XPC: variants seen among roughly 807,000 people sequenced by gnomAD.
XPC encodes XPC complex subunit, DNA damage recognition and repair factor, also known as DNA repair protein complementing XP-C cells.
Under a neutral mutation model 95.8 loss-of-function variants are expected in XPC, and 76 were observed. The observed-to-expected ratio is 0.79, with a 90% CI of 0.66 to 0.96. The LOEUF (loss-of-function observed/expected upper bound fraction) is 0.96. Ranked by LOEUF, XPC falls within the 40% of genes least tolerant of loss-of-function variation. XPC has a pLI of 0.00. For synonymous variants in XPC, 442 were observed against 442.1 expected, an observed-to-expected ratio of 1.00 and a Z score of 0.00; for missense variants, 1,146 against 1,179.8, an observed-to-expected ratio of 0.97 and a Z score of 0.42.
intron 11 of XPC, 99 bp downstream of exon 11, chr3:14,152,236 G>A (rs969647228): frequency 1.5e-5 from 15 of 1,000,192 alleles, no homozygotes; most frequent in Non-Finnish European, 2.1e-5. Flanking sequence ...ATCCTGGGCA[G>A]GACTGGGAGG....
chr3:14,156,308 T>C (rs1695901636), intron 10 of XPC, 27 bp downstream of exon 10: 5 of 1,601,776 alleles, frequency 3.1e-6, no homozygotes, highest in South Asian at 2.2e-5. Flanking sequence ...AGGAAGCCCC[T>C]GAGGCCAACC....
At chr3:14,149,098 T>C in intron 11 of XPC, 150 bp from the exon 12 acceptor site, 1 of 1,180,188 alleles carries the variant, frequency 8.5e-7, no homozygotes, top group South Asian at 1.5e-5. Context: ...CCTTTTTTTT[T>C]TTTGAGACAG....
chr3:14,175,027 G>A lies in XPC; in HGVS notation c.104-1965C>T, dbSNP rs370867572. ...ACTGGGATTTAATAAGAACACCGGA[G>A]TAAACCTTCCAGCAGCAACTCATAG... On this transcript the variant is annotated intron_variant, in intron 1 of 15. Coordinates refer to ENST00000285021, the MANE Select transcript of XPC (RefSeq NM_004628.5). Among the ~76,000 whole-genome samples, 19 of 152,186 alleles carry A rather than the reference G, an allele frequency of 1.2e-4. No homozygotes were observed. The South Asian group carries it at 3.9e-3, about 32-fold the overall frequency.
chr3:14,174,733 C>G (rs1230092691), intron 1 of XPC, among the ~76,000 whole-genome samples: 1 of 152,116 alleles, frequency 6.6e-6, no homozygotes, highest in South Asian at 2.1e-4. Context: ...TGTAATGTTA[C>G]TCATGCAAAG....
At chr3:14,156,888 G>A (rs3729585) in intron 9 of XPC, among the ~76,000 whole-genome samples, 6,904 of 152,298 alleles carry the variant, frequency 0.045, 362 homozygotes, top group East Asian at 0.22. Context: ...TGCTCTCACA[G>A]GAAACTGAGA....
Position 14,146,089 on chromosome 3 carries a change from G to A in XPC, c.2675C>T (p.Ser892Phe). The A allele has an allele frequency of 6.2e-7, 1 of 1,612,330 alleles. No individual in the cohort carries two copies. The highest frequency in any genetic ancestry group is 8.5e-7 in the Non-Finnish European group (1 of 1,179,464). The change falls in exon 16 of 16, where the codon TCT (serine) becomes TTT (phenylalanine). Residue 892 changes from serine (S) to phenylalanine (F), a missense_variant. Transcript: ENST00000285021. ...CAGTATCCTGGCCGCTTCTGCTTGA[G>A]AGCTGGTCCCCTCCTCTTCATCAGA... The part of the protein sequence containing the change: ...LSSDEEEGTS[S>F]QAEAARILAA...
chr3:14,173,562 T>C (rs1696696195), intron 1 of XPC, among the ~76,000 whole-genome samples: 1 of 152,220 alleles, frequency 6.6e-6, no homozygotes. Flanking sequence ...CTCTGAAACC[T>C]TTCCAATGTA....
chr3:14,167,764 G>C lies in XPC; in HGVS notation c.536+493C>G, dbSNP rs748829489. On this transcript the variant is annotated intron_variant, in intron 4 of 15. Transcript: ENST00000285021. ...CTAGTAATGTGCCCATCGCACATTG[G>C]AATTCCCAAGCCATCAGAGGCTGCA... 3.4e-4 allele frequency among the ~76,000 whole-genome samples: 52 copies of C among 152,140 alleles called. 1 individual carries two copies. The highest frequency in any genetic ancestry group is 7.9e-4 in the Admixed American group (12 of 15,278).
intron 1 of XPC, among the ~76,000 whole-genome samples, chr3:14,174,873 T>TA (rs1696751781): frequency 6.6e-6 from 1 of 152,032 alleles, no homozygotes; most frequent in African/African-American, 2.4e-5. Context: ...TTTTGGTCCC[T>TA]AAGCATCTAG....
chr3:14,158,168 A>G lies in XPC; in HGVS notation c.1715T>C (p.Ile572Thr). 6.2e-7 allele frequency: 1 copy of G among 1,613,844 alleles called. No homozygotes were observed. Among genetic ancestry groups the G allele is most frequent in the Non-Finnish European group, 8.5e-7 (1 of 1,179,862 alleles). The change falls in exon 9 of 16, where the codon ATT (isoleucine) becomes ACT (threonine). Residue 572 changes from isoleucine (I) to threonine (T), a missense_variant. Ile to Thr is a moderately conservative substitution (Grantham distance 89, BLOSUM62 -1). Coordinates refer to ENST00000285021, the MANE Select transcript of XPC (RefSeq NM_004628.5). This position sits in a 1 kb window ranked among gnomAD's most constrained non-coding sequence, Gnocchi z 5.2. ...ATKPMTYVVG[I>T]DSDGWVRDVT... ...ATCTCGGACCCAGCCGTCACTGTCA[A>G]TGCCCACCACATAGGTCATGGGCTT...
At chr3:14,155,620 C>T (rs1695871237) in intron 10 of XPC, among the ~76,000 whole-genome samples, 1 of 152,002 alleles carries the variant, frequency 6.6e-6, no homozygotes, top group South Asian at 2.1e-4. Context: ...TGCAGTGGCG[C>T]GATCTTGGCT....
chr3:14,178,374 C>G (rs1034324550), intron 1 of XPC, 92 bp downstream of exon 1: 2 of 1,403,674 alleles, frequency 1.4e-6, no homozygotes, highest in African/African-American at 3.0e-5. Context: ...CAACCTCCAC[C>G]AGGCCTCCGC....
At position 14,158,290 on chromosome 3, in the gene XPC, C is replaced by T; in HGVS notation, c.1593G>A (p.Trp531Ter). ...EKRSIAGIDQ[W>*]LEVFCEQEEK... ...CCTCCTGCTCACAGAACACCTCTAG[C>T]CACTGGTCTATACCAGCTATGCTTC... The change falls in exon 9 of 16, where the codon TGG becomes TGA. Residue 531 changes from tryptophan (W) to a stop codon, truncating the protein, a stop_gained. Transcript: ENST00000285021. LOFTEE classifies it high-confidence loss of function. The surrounding 1 kb of genome is among the most constrained non-coding windows in gnomAD (Gnocchi z 5.2). 1.9e-6 allele frequency: 3 copies of T among 1,614,052 alleles called. No individual in the cohort carries two copies. The highest frequency in any genetic ancestry group is 2.5e-6 in the Non-Finnish European group (3 of 1,179,900).
At position 14,145,836 on chromosome 3, in the gene XPC, A is replaced by G. The variant is rs767870170; in HGVS notation, c.*105T>C. On this transcript the variant is annotated 3_prime_UTR_variant, in exon 16 of 16. Transcript: ENST00000285021. ...GCATGCTGCCTCAGTTTGCCTTCTCAGCAGAGAAGCCCCCACCACCAGGGG... is the reference window on the plus strand; with the variant it reads ...GCATGCTGCCTCAGTTTGCCTTCTCGGCAGAGAAGCCCCCACCACCAGGGG... The G allele has an allele frequency of 1.4e-5, 20 of 1,411,892 alleles. No individual in the cohort carries two copies. Among genetic ancestry groups the G allele is most frequent in the Middle Eastern group, 5.0e-4 (2 of 3,992 alleles). The allele number at this position is 1,411,892 out of a possible 1,614,324, so 87.5% of individuals were successfully genotyped here.
At chr3:14,169,024 T>C (rs1574973537) in intron 3 of XPC, among the ~76,000 whole-genome samples, 1 of 152,208 alleles carries the variant, frequency 6.6e-6, no homozygotes, top group East Asian at 1.9e-4. Flanking sequence ...AAAGAATGCA[T>C]CTAATGCCAG....
At chr3:14,157,521 T>C (rs771804453) in intron 9 of XPC, among the ~76,000 whole-genome samples, 11 of 152,126 alleles carry the variant, frequency 7.2e-5, no homozygotes, top group Non-Finnish European at 1.6e-4. Flanking sequence ...GCCTTCTCAA[T>C]AGACTGAAGA....
At chr3:14,176,454 C>A (rs1696819514) in intron 1 of XPC, among the ~76,000 whole-genome samples, 2 of 152,196 alleles carry the variant, frequency 1.3e-5, no homozygotes, top group Non-Finnish European at 2.9e-5. Flanking sequence ...CACACTTTGC[C>A]TTGAATGTTT....
intron 7 of XPC, among the ~76,000 whole-genome samples, chr3:14,163,652 CA>C (rs1373548474): frequency 9.2e-5 from 14 of 152,056 alleles, no homozygotes; most frequent in African/African-American, 3.4e-4. Flanking sequence ...TTGGGGGTGA[CA>C]AAAACATTTT....
chr3:14,152,696 T>C (rs1348191559), intron 10 of XPC: 2 of 362,328 alleles, frequency 5.5e-6, no homozygotes, highest in Non-Finnish European at 5.0e-6. Flanking sequence ...TCTCCTCTGC[T>C]GTCCAGAGCC....
Sources: allele counts gnomAD v4.1 joint callset (sites outside exome capture counted in the v4.1 genomes callset), GRCh38; gene constraint gnomAD v4.1.1; non-coding constraint Gnocchi (gnomAD v3.1); transcripts MANE v1.5; gene names NCBI Gene and HGNC (gene_info 2026-07-23, HGNC 2026-07-21).